Variants in MAN2B2 observed in about 807,000 individuals in gnomAD.
MAN2B2 encodes mannosidase alpha class 2B member 2, also known as epididymis-specific alpha-mannosidase.
MAN2B2 carries 106 observed loss-of-function variants against 117.1 expected under a neutral mutation model. The ratio of observed to expected loss-of-function variants is 0.90; its 90% CI spans 0.77 to 1.06. The LOEUF (loss-of-function observed/expected upper bound fraction) is 1.06, where lower values mean the gene tolerates loss of function less well. Ranked by LOEUF, MAN2B2 falls within the 50% of genes least tolerant of loss-of-function variation. The pLI, the probability that MAN2B2 is intolerant of heterozygous loss-of-function variation, is 0.00. For synonymous variants in MAN2B2, 544 were observed against 595.1 expected (o/e 0.91, Z 1.25); for missense variants, 1,326 against 1,381.4 (o/e 0.96, Z 0.64).
At chr4:6,581,464 T>C (rs574328232) in intron 3 of MAN2B2, among the ~76,000 whole-genome samples, 12 of 152,242 alleles carry the variant, frequency 7.9e-5, no homozygotes, top group African/African-American at 2.6e-4. Flanking sequence ...CCTTAACTTG[T>C]AGTCCCTAGG....
intron 10 of MAN2B2, among the ~76,000 whole-genome samples, chr4:6,601,923 G>C (rs1727348711): frequency 1.3e-5 from 2 of 152,326 alleles, no homozygotes; most frequent in Admixed American, 1.3e-4. Context: ...GCCCTTGTAG[G>C]AAGACATCAC....
intron 11 of MAN2B2, among the ~76,000 whole-genome samples, chr4:6,606,709 G>A (rs1050389211): frequency 3.9e-5 from 6 of 152,242 alleles, no homozygotes; most frequent in Non-Finnish European, 5.9e-5. Flanking sequence ...ACCAGTGCCT[G>A]TCACCTGAGC....
At chr4:6,600,093 TGG>T (rs1224526838) in intron 9 of MAN2B2, among the ~76,000 whole-genome samples, 1 of 152,156 alleles carries the variant, frequency 6.6e-6, no homozygotes, top group East Asian at 1.9e-4. Context: ...TTCTCAGGTG[TGG>T]CCAGACCTCA....
chr4:6,618,363 A>T (rs1711998387), intron 17 of MAN2B2: 1 of 152,214 alleles, frequency 6.6e-6, no homozygotes, highest in Non-Finnish European at 1.5e-5. Context: ...GATTCCCCAT[A>T]GAGTTGCTTT....
rs1328058928 is a variant in MAN2B2, at chr4:6,621,930, A to G, written c.*645A>G. 2.0e-5 allele frequency: 3 copies of G among 152,310 alleles called. No individual in the cohort carries two copies. Among genetic ancestry groups the G allele is most frequent in the South Asian group, 2.1e-4 (1 of 4,840 alleles). 9.4% of individuals were successfully genotyped at this position (152,310 alleles called of 1,614,324 possible). A position where few individuals can be genotyped will look rare whatever the true frequency, so the allele number is the denominator to read the frequency against. ...AATATCAGAACTATTAATATCAATA[A>G]AAGTATAACCTTCCCAGGTCTATGC... On this transcript the variant is annotated 3_prime_UTR_variant, in exon 19 of 19. Coordinates refer to ENST00000285599, the MANE Select transcript of MAN2B2 (RefSeq NM_015274.3).
Position 6,576,658 on chromosome 4 carries a change from C to T in MAN2B2, c.219C>T (p.Ile73=), listed in dbSNP as rs1471423806. The stretch of plus-strand genomic sequence containing the variant: ...CCCGCGGCCAGCAGCGCCGGTTCAT[C>T]GCTGTGGAGCAGGAGTTTTTCCGGC... ...ELARGQQRRF[I]AVEQEFFRLW... The change falls in exon 2 of 19, where the codon ATC becomes ATT. Residue 73 remains isoleucine, a synonymous_variant. Transcript: ENST00000285599. The T allele has an allele frequency of 5.0e-6, 8 of 1,613,880 alleles. No homozygotes were observed. Among genetic ancestry groups the T allele is most frequent in the Middle Eastern group, 1.6e-4 (1 of 6,082 alleles).
chr4:6,619,855 C>A, intron 17 of MAN2B2, 72 bp from the exon 18 acceptor site: 1 of 1,389,066 alleles, frequency 7.2e-7, no homozygotes, highest in Non-Finnish European at 1.0e-6. Flanking sequence ...GTCTGCCCTG[C>A]TGCTGTCTTG....
chr4:6,601,275 G>A (rs973199797), intron 10 of MAN2B2, among the ~76,000 whole-genome samples: 8 of 152,182 alleles, frequency 5.3e-5, no homozygotes, highest in Non-Finnish European at 8.8e-5. Flanking sequence ...AGGCTGAAGC[G>A]GGTGGATCAC....
intron 18 of MAN2B2, chr4:6,620,935 G>A (rs1412972289): frequency 2.5e-5 from 12 of 475,360 alleles, no homozygotes; most frequent in Non-Finnish European, 4.5e-5. Flanking sequence ...GGGCAGAAAC[G>A]CCAAGAGGCC....
At chr4:6,616,529 C>A (rs550583124) in intron 16 of MAN2B2, among the ~76,000 whole-genome samples, 9 of 152,326 alleles carry the variant, frequency 5.9e-5, no homozygotes, top group African/African-American at 2.2e-4. Context: ...CCACGCCCCC[C>A]GCTGATGGAG....
At chr4:6,608,628 T>G (rs1560658116) in intron 11 of MAN2B2, among the ~76,000 whole-genome samples, 1 of 152,186 alleles carries the variant, frequency 6.6e-6, no homozygotes, top group Non-Finnish European at 1.5e-5. Flanking sequence ...ACTTCCAGCC[T>G]CGGATGCCTC....
chr4:6,602,612 C>G (rs1484854593), intron 10 of MAN2B2, among the ~76,000 whole-genome samples: 10 of 152,122 alleles, frequency 6.6e-5, no homozygotes, highest in Non-Finnish European at 2.9e-5. Flanking sequence ...GTGGCATTAG[C>G]CTTTCAACTG....
At chr4:6,612,798 G>A (rs73796301) in intron 15 of MAN2B2, among the ~76,000 whole-genome samples, 2,737 of 152,356 alleles carry the variant, frequency 0.018, 73 homozygotes, top group African/African-American at 0.058. Context: ...GTCTCTGTTG[G>A]TTGCAAGTAA....
chr4:6,579,225 CCACCAT>C (rs1726276005), intron 3 of MAN2B2, among the ~76,000 whole-genome samples: 2 of 52,400 alleles, frequency 3.8e-5, no homozygotes, highest in African/African-American at 1.3e-4. Flanking sequence ...ACCACCACCA[CCACCAT>C]CACCACCACC....
chr4:6,582,774 G>C (rs1329678811), intron 3 of MAN2B2, among the ~76,000 whole-genome samples: 1 of 152,110 alleles, frequency 6.6e-6, no homozygotes, highest in Non-Finnish European at 1.5e-5. Context: ...CTCCAGCTCA[G>C]GCTGTAATGG....
intron 18 of MAN2B2, chr4:6,620,893 G>A: frequency 2.6e-6 from 1 of 383,304 alleles, no homozygotes; most frequent in Non-Finnish European, 4.8e-6. Context: ...GGCCACTAGG[G>A]CCAGGACCAA....
intron 10 of MAN2B2, among the ~76,000 whole-genome samples, chr4:6,601,025 A>C (rs1727309029): frequency 6.6e-6 from 1 of 152,156 alleles, no homozygotes; most frequent in South Asian, 2.1e-4. Flanking sequence ...TTAGGGGCCC[A>C]AAATCTCACA....
rs72616122 is a variant in MAN2B2, at chr4:6,613,552, G to A, written c.2564-666G>A. On this transcript the variant is annotated intron_variant, in intron 15 of 18. Transcript: ENST00000285599. ...ATTGCACCACTGCACTCTGGCCTGA[G>A]TGACACAGCAAGTCCCTATCTACAA... Among the ~76,000 whole-genome samples the A allele has an allele frequency of 6.5e-3, 939 of 144,854 alleles. 11 individuals are homozygous for A. The highest frequency in any genetic ancestry group is 0.051 in the East Asian group (231 of 4,508).
chr4:6,617,273 T>A, intron 16 of MAN2B2, 107 bp from the exon 17 acceptor site: 1 of 790,864 alleles, frequency 1.3e-6, no homozygotes, highest in Non-Finnish European at 2.1e-6. Flanking sequence ...ATCGAGGAGG[T>A]TACAGATAGG....
Sources: allele counts gnomAD v4.1 joint callset (sites outside exome capture counted in the v4.1 genomes callset), GRCh38; gene constraint gnomAD v4.1.1; transcripts MANE v1.5; gene names NCBI Gene and HGNC (gene_info 2026-07-23, HGNC 2026-07-21).